PTPRD: variants seen among roughly 807,000 people sequenced by gnomAD.
PTPRD encodes receptor-type tyrosine-protein phosphatase delta.
In PTPRD, 34 loss-of-function variants were observed where a neutral mutation model predicts 214.5. That is an observed-to-expected ratio of 0.16 (90% CI 0.12 to 0.21). The LOEUF (loss-of-function observed/expected upper bound fraction) is 0.21. Among genes scored for constraint, PTPRD ranks in the 10% least tolerant of loss-of-function variants. The probability of loss-of-function intolerance (pLI) is 1.00; values close to 1 mark genes in which losing one functional copy is unlikely to be tolerated. For missense variants in PTPRD, 2,545 were observed against 2,398.7 expected (o/e 1.06, Z -1.27); for synonymous variants, 1,128 against 845.7 (o/e 1.33, Z -5.79).
At chr9:10,302,124 C>G (rs1447950854) in intron 3 of PTPRD, among the ~76,000 whole-genome samples, 1 of 151,602 alleles carries the variant, frequency 6.6e-6, no homozygotes, top group Admixed American at 6.6e-5. Flanking sequence ...ATTCAACATT[C>G]TTAAAGAATT....
intron 10 of PTPRD, among the ~76,000 whole-genome samples, chr9:9,172,596 G>T (rs1276857576): frequency 6.6e-6 from 1 of 152,056 alleles, no homozygotes; most frequent in East Asian, 1.9e-4. Flanking sequence ...TGATAGATGT[G>T]CTATGTCTTC....
chr9:10,258,706 G>C (rs1282960130), intron 3 of PTPRD, among the ~76,000 whole-genome samples: 1 of 152,110 alleles, frequency 6.6e-6, no homozygotes, highest in Non-Finnish European at 1.5e-5. Context: ...ATAGGCACTA[G>C]AGTGTGGTTT....
intron 10 of PTPRD, among the ~76,000 whole-genome samples, chr9:9,119,668 C>T (rs1009188541): frequency 4.0e-5 from 6 of 151,798 alleles, no homozygotes; most frequent in Non-Finnish European, 7.4e-5. Flanking sequence ...GGACTACAGG[C>T]GCGTGCCACC....
At position 8,486,562 on chromosome 9, in the gene PTPRD, T is replaced by C. The variant is rs532287060; in HGVS notation, c.2468-213A>G. The C allele has an allele frequency of 1.3e-4, 87 of 689,256 alleles. No individual in the cohort carries two copies. In the South Asian group the frequency reaches 1.3e-3, roughly 10 times the overall value. The allele number at this position is 689,256 out of a possible 1,614,324, so 42.7% of individuals were successfully genotyped here. A position where few individuals can be genotyped will look rare whatever the true frequency, so the allele number is the denominator to read the frequency against. ...AGGCTGAGATACTAGAATTTGATAA[T>C]GGACACAAAACAGAAATTATCATTG... On this transcript the variant is annotated intron_variant, in intron 27 of 45. Coordinates refer to ENST00000381196, the MANE Select transcript of PTPRD (RefSeq NM_002839.4).
intron 5 of PTPRD, among the ~76,000 whole-genome samples, chr9:9,812,776 A>T (rs1351752915): frequency 6.6e-6 from 1 of 152,162 alleles, no homozygotes; most frequent in Non-Finnish European, 1.5e-5. Context: ...ACACTATATC[A>T]AATGGACCTT....
intron 14 of PTPRD, among the ~76,000 whole-genome samples, chr9:8,572,309 C>T (rs2091370895): frequency 2.6e-5 from 4 of 151,976 alleles, no homozygotes; most frequent in African/African-American, 9.7e-5. Context: ...CAAAACCAAA[C>T]CCTTCCAAAT....
chr9:9,116,774 T>C (rs2099812741), intron 10 of PTPRD, among the ~76,000 whole-genome samples: 1 of 152,158 alleles, frequency 6.6e-6, no homozygotes, highest in African/African-American at 2.4e-5. Context: ...CTCCTCTACA[T>C]GCAGAGGATC....
intron 3 of PTPRD, among the ~76,000 whole-genome samples, chr9:10,088,773 C>G (rs1384886347): frequency 3.3e-5 from 5 of 151,654 alleles, no homozygotes; most frequent in African/African-American, 9.7e-5. Context: ...TATACATAAG[C>G]TGGCCAGCAT....
intron 5 of PTPRD, among the ~76,000 whole-genome samples, chr9:9,885,607 G>T (rs937754602): frequency 6.6e-6 from 1 of 151,996 alleles, no homozygotes; most frequent in African/African-American, 2.4e-5. Flanking sequence ...TCCTTATAAG[G>T]GAAGGAGAAG....
At chr9:8,349,409 C>A (rs928335143) in intron 39 of PTPRD, among the ~76,000 whole-genome samples, 14 of 152,142 alleles carry the variant, frequency 9.2e-5, no homozygotes, top group African/African-American at 3.1e-4. Context: ...CCATCAGTAT[C>A]TGAGTGCAGT....
chr9:9,886,503 A>G (rs16930504), intron 5 of PTPRD, among the ~76,000 whole-genome samples: 1 of 152,184 alleles, frequency 6.6e-6, no homozygotes, highest in East Asian at 1.9e-4. Context: ...GAGGGATGTA[A>G]ATTGTGGCCA....
intron 5 of PTPRD, among the ~76,000 whole-genome samples, chr9:9,891,154 A>C (rs1252400546): frequency 3.3e-5 from 5 of 152,126 alleles, no homozygotes; most frequent in African/African-American, 1.2e-4. Context: ...GTAGTCAGCC[A>C]ACCAACGGTA....
chr9:10,288,936 C>T (rs971169061), intron 3 of PTPRD, among the ~76,000 whole-genome samples: 1 of 151,866 alleles, frequency 6.6e-6, no homozygotes, highest in Non-Finnish European at 1.5e-5. Flanking sequence ...ACTATATAAT[C>T]GGCATCAATA....
At chr9:10,565,290 C>T (rs954425383) in intron 2 of PTPRD, among the ~76,000 whole-genome samples, 5 of 152,106 alleles carry the variant, frequency 3.3e-5, no homozygotes, top group Admixed American at 6.6e-5. Flanking sequence ...TAAGTAATCT[C>T]CCTCATGCTC....
intron 3 of PTPRD, among the ~76,000 whole-genome samples, chr9:10,244,320 T>C (rs769907847): frequency 2.6e-5 from 4 of 152,102 alleles, no homozygotes; most frequent in Admixed American, 6.6e-5. Context: ...AGCAGAGATA[T>C]TGATTTATGC....
At chr9:10,315,264 A>G (rs2096390678) in intron 3 of PTPRD, among the ~76,000 whole-genome samples, 1 of 151,920 alleles carries the variant, frequency 6.6e-6, no homozygotes, top group Non-Finnish European at 1.5e-5. Context: ...CACAGATTGC[A>G]TGATTTGGGA....
At chr9:8,768,572 T>A (rs1320987492) in intron 11 of PTPRD, among the ~76,000 whole-genome samples, 2 of 151,974 alleles carry the variant, frequency 1.3e-5, no homozygotes, top group Non-Finnish European at 2.9e-5. Flanking sequence ...AAATAATTTT[T>A]AAAAATAAGA....
At chr9:8,831,239 C>A (rs1031072017) in intron 11 of PTPRD, among the ~76,000 whole-genome samples, 2 of 152,166 alleles carry the variant, frequency 1.3e-5, no homozygotes, top group African/African-American at 4.8e-5. Context: ...GCACTTGTTT[C>A]AGACATTCTC....
At chr9:8,741,745 C>A (rs1291737659) in intron 11 of PTPRD, among the ~76,000 whole-genome samples, 1 of 151,764 alleles carries the variant, frequency 6.6e-6, no homozygotes, top group Non-Finnish European at 1.5e-5. Context: ...CACACATCAC[C>A]ATGCCAAGCT....
Sources: allele counts gnomAD v4.1 joint callset (sites outside exome capture counted in the v4.1 genomes callset), GRCh38; gene constraint gnomAD v4.1.1; transcripts MANE v1.5; gene names NCBI Gene and HGNC (gene_info 2026-07-23, HGNC 2026-07-21).